Variants in PSMA6 observed in about 807,000 individuals in gnomAD.
The protein encoded by PSMA6 is proteasome 20S subunit alpha 6.
For synonymous variants in PSMA6, 88 were observed against 97.7 expected, an observed-to-expected ratio of 0.90 and a Z score of 0.59; for missense variants, 170 against 294.8, an observed-to-expected ratio of 0.58 and a Z score of 3.10.
intron 5 of PSMA6, 74 bp downstream of exon 5, chr14:35,313,133 A>G (rs2051977101): frequency 2.3e-6 from 3 of 1,327,022 alleles, no homozygotes; most frequent in Non-Finnish European, 3.0e-6. Context: ...ATTTCTATAC[A>G]AAGCTATTCC....
chr14:35,279,133 C>T (rs539376304), intron 1 of PSMA6, among the ~76,000 whole-genome samples: 68 of 152,092 alleles, frequency 4.5e-4, no homozygotes, highest in Non-Finnish European at 8.4e-4. Context: ...CTGCAACCTC[C>T]GCCTCCCTGG....
intron 3 of PSMA6, among the ~76,000 whole-genome samples, chr14:35,310,454 T>C (rs1296865390): frequency 2.0e-5 from 3 of 152,216 alleles, no homozygotes. Flanking sequence ...CTTAATGCTT[T>C]TTCTTTTGGG....
intron 1 of PSMA6, among the ~76,000 whole-genome samples, chr14:35,300,332 G>A (rs192415814): frequency 1.6e-3 from 241 of 152,184 alleles, no homozygotes; most frequent in Non-Finnish European, 2.4e-3. Context: ...AATTAGCCAG[G>A]TGTGGTAGTA....
At chr14:35,290,346 CAAA>C (rs2051464115), upstream of PSMA6, among the ~76,000 whole-genome samples, 1 of 152,042 alleles carries the variant, frequency 6.6e-6, no homozygotes, top group South Asian at 2.1e-4. Context: ...CAAAAGTCTT[CAAA>C]AGGTCAAGAG....
upstream of PSMA6, among the ~76,000 whole-genome samples, chr14:35,291,748 A>C (rs2051484062): frequency 6.9e-6 from 1 of 145,260 alleles, no homozygotes; most frequent in African/African-American, 2.6e-5. Flanking sequence ...GCTTGAACTC[A>C]GGAGGGGGAG....
At chr14:35,311,409 C>G (rs2051942607) in intron 4 of PSMA6, among the ~76,000 whole-genome samples, 1 of 152,188 alleles carries the variant, frequency 6.6e-6, no homozygotes, top group Admixed American at 6.5e-5. Flanking sequence ...CTGAAAAATT[C>G]AGTGCATGTT....
At chr14:35,299,613 T>C (rs1278003036) in intron 1 of PSMA6, among the ~76,000 whole-genome samples, 1 of 152,104 alleles carries the variant, frequency 6.6e-6, no homozygotes, top group East Asian at 1.9e-4. Context: ...TGAGCCACCA[T>C]GCCCAGCCTC....
intron 1 of PSMA6, among the ~76,000 whole-genome samples, chr14:35,306,344 C>G (rs560177731): frequency 8.0e-5 from 12 of 150,384 alleles, no homozygotes; most frequent in African/African-American, 2.7e-4. Flanking sequence ...ATCGCTTGAG[C>G]TCAGAAGTTC....
intron 1 of PSMA6, among the ~76,000 whole-genome samples, chr14:35,297,310 G>A (rs566355736): frequency 2.2e-4 from 34 of 151,806 alleles, no homozygotes; most frequent in Admixed American, 2.2e-3. Context: ...CCGCCTCCTG[G>A]GTTCACGCCG....
intron 1 of PSMA6, among the ~76,000 whole-genome samples, chr14:35,307,772 G>C (rs567191239): frequency 6.6e-6 from 1 of 152,084 alleles, no homozygotes; most frequent in Admixed American, 6.6e-5. Flanking sequence ...GGGTGCATCA[G>C]CTTAATGAAA....
intron 1 of PSMA6, among the ~76,000 whole-genome samples, chr14:35,281,372 A>G (rs892533746): frequency 6.6e-6 from 1 of 152,144 alleles, no homozygotes; most frequent in African/African-American, 2.4e-5. Context: ...GCAAGCAGCT[A>G]ATCTCCTGGA....
chr14:35,310,163 A>G, intron 3 of PSMA6: 1 of 417,778 alleles, frequency 2.4e-6, no homozygotes, highest in Non-Finnish European at 4.6e-6. Context: ...AAAAACAAAG[A>G]TTAAGAAAGA....
chr14:35,299,650 C>T, intron 1 of PSMA6, among the ~76,000 whole-genome samples: 1 of 152,016 alleles, frequency 6.6e-6, no homozygotes, highest in East Asian at 1.9e-4. Flanking sequence ...CTTCATATAC[C>T]ATAGGTTGTC....
chr14:35,311,621 A>C (rs1395942989), intron 4 of PSMA6, among the ~76,000 whole-genome samples: 1 of 152,202 alleles, frequency 6.6e-6, no homozygotes, highest in Non-Finnish European at 1.5e-5. Flanking sequence ...TATTTTGTAT[A>C]TATCAAATAT....
intron 1 of PSMA6, among the ~76,000 whole-genome samples, chr14:35,294,928 G>A (rs2051554444): frequency 1.3e-5 from 2 of 152,184 alleles, no homozygotes; most frequent in Non-Finnish European, 1.5e-5. Flanking sequence ...AAAATGGGAT[G>A]ATGATGAGGG....
chr14:35,295,618 A>G (rs2051571108), intron 1 of PSMA6, among the ~76,000 whole-genome samples: 1 of 151,686 alleles, frequency 6.6e-6, no homozygotes, highest in Admixed American at 6.6e-5. Context: ...ACTCCTGGCT[A>G]ATTTTGCAGT....
chr14:35,289,334 AT>A (rs113555975), upstream of PSMA6, among the ~76,000 whole-genome samples: 22,717 of 146,218 alleles, frequency 0.16, 3,229 homozygotes, highest in African/African-American at 0.37. Flanking sequence ...CAAATTTATG[AT>A]TTTTTTTTTT....
At chr14:35,315,662 G>A (rs975634532) in intron 6 of PSMA6, 2 of 151,566 alleles carry the variant, frequency 1.3e-5, no homozygotes, top group Admixed American at 6.6e-5. Flanking sequence ...GTAGGGGTGA[G>A]GGGTGGGGGC....
At chr14:35,283,139 C>G (rs2051384873) in intron 1 of PSMA6, among the ~76,000 whole-genome samples, 1 of 151,866 alleles carries the variant, frequency 6.6e-6, no homozygotes, top group African/African-American at 2.4e-5. Flanking sequence ...CCACCGTGCC[C>G]CACCGATACT....
Sources: allele counts gnomAD v4.1 joint callset (sites outside exome capture counted in the v4.1 genomes callset), GRCh38; gene constraint gnomAD v4.1.1; transcripts MANE v1.5; gene names NCBI Gene and HGNC (gene_info 2026-07-23, HGNC 2026-07-21).